CR1: variants seen among roughly 807,000 people sequenced by gnomAD.
CR1 encodes the protein complement receptor type 1.
A neutral mutation model predicts 187.3 loss-of-function variants in CR1; 116 were observed. That is an observed-to-expected ratio of 0.62 (90% CI 0.53 to 0.72). The LOEUF (loss-of-function observed/expected upper bound fraction) is 0.72. Ranked by LOEUF, CR1 falls within the 30% of genes least tolerant of loss-of-function variation. CR1 has a pLI of 0.00. For missense variants in CR1, 1,731 were observed against 2,110.7 expected (o/e 0.82, Z 3.52); for synonymous variants, 576 against 747.1 (o/e 0.77, Z 3.73).
intron 45 of CR1, among the ~76,000 whole-genome samples, chr1:207,629,021 C>T (rs1662569263): frequency 6.6e-6 from 1 of 152,122 alleles, no homozygotes; most frequent in South Asian, 2.1e-4. Flanking sequence ...TGCGCCTGCA[C>T]GTTTTGATAT....
At chr1:207,588,608 C>G (rs1661180215) in intron 34 of CR1, 67 bp from the exon 35 acceptor site, 3 of 1,040,424 alleles carry the variant, frequency 2.9e-6, no homozygotes, top group East Asian at 2.5e-5. Flanking sequence ...ATGCCACACT[C>G]CAGTCTGAAC....
chr1:207,499,870 G>A (rs1282003675), intron 1 of CR1, among the ~76,000 whole-genome samples: 1 of 152,114 alleles, frequency 6.6e-6, no homozygotes, highest in Non-Finnish European at 1.5e-5. Flanking sequence ...CTTCACATTT[G>A]GACAGGTAAC....
chr1:207,524,453 G>T (rs1349688415), intron 5 of CR1, among the ~76,000 whole-genome samples: 2 of 152,002 alleles, frequency 1.3e-5, no homozygotes, highest in Admixed American at 6.5e-5. Context: ...GTGCCATCAT[G>T]ACTTACTTCA....
At chr1:207,572,977 A>G (rs569774500) in intron 27 of CR1, among the ~76,000 whole-genome samples, 1 of 152,268 alleles carries the variant, frequency 6.6e-6, no homozygotes, top group South Asian at 2.1e-4. Context: ...ACACTGGATT[A>G]GGGCCTACTT....
intron 35 of CR1, among the ~76,000 whole-genome samples, chr1:207,593,463 A>T: frequency 6.6e-6 from 1 of 152,246 alleles, no homozygotes; most frequent in East Asian, 1.9e-4. Flanking sequence ...CTAACTCAAG[A>T]TGTATTAAAG....
chr1:207,519,535 T>G (rs1397828905), intron 4 of CR1, among the ~76,000 whole-genome samples: 7 of 152,194 alleles, frequency 4.6e-5, no homozygotes, highest in Admixed American at 4.6e-4. Context: ...AAATTGTACT[T>G]TTACCACTCT....
chr1:207,506,779 T>G lies in CR1; in HGVS notation c.367T>G (p.Phe123Val). The G allele has an allele frequency of 6.2e-7, 1 of 1,613,614 alleles. No homozygotes were observed. Among genetic ancestry groups the G allele is most frequent in the African/African-American group, 1.3e-5 (1 of 75,002 alleles). The change falls in exon 3 of 47, where the codon TTC becomes GTC. Residue 123 changes from phenylalanine (F) to valine (V), a missense_variant. By Grantham distance (50) the Phe-to-Val change is conservative. Transcript: ENST00000367049. ...GGTGCATGTGATCAAAGGCATCCAG[T>G]TCGGATCCCAAATTAAATATTCTTG... The part of the protein sequence containing the change: ...GMVHVIKGIQ[F>V]GSQIKYSCTK...
At chr1:207,587,261 T>G in intron 33 of CR1, 125 bp from the exon 34 acceptor site, 2 of 785,418 alleles carry the variant, frequency 2.5e-6, no homozygotes, top group African/African-American at 1.8e-5. Flanking sequence ...GAGAAGAAAA[T>G]CTTTTGCTAT....
At chr1:207,626,409 T>C (rs1197316753) in intron 45 of CR1, among the ~76,000 whole-genome samples, 8 of 152,186 alleles carry the variant, frequency 5.3e-5, no homozygotes, top group Admixed American at 6.5e-5. Flanking sequence ...AGCTAAGTCA[T>C]TGTGGCTATG....
At chr1:207,635,659 T>C (rs1282968592) in intron 46 of CR1, among the ~76,000 whole-genome samples, 5 of 152,162 alleles carry the variant, frequency 3.3e-5, no homozygotes, top group African/African-American at 7.2e-5. Flanking sequence ...GCAGACCCTT[T>C]ACGGGTGTCA....
intron 4 of CR1, among the ~76,000 whole-genome samples, chr1:207,513,737 T>A (rs1223509405): frequency 1.2e-5 from 1 of 84,580 alleles, no homozygotes; most frequent in Non-Finnish European, 2.2e-5. Flanking sequence ...CCTCCTTTCC[T>A]CCCTCCCTCC....
chr1:207,588,564 C>T (rs1189958296), intron 34 of CR1, 111 bp from the exon 35 acceptor site: 1 of 710,636 alleles, frequency 1.4e-6, no homozygotes, highest in African/African-American at 1.8e-5. Context: ...CAGTCAATTC[C>T]ATGAAACAAT....
chr1:207,609,187 A>T, intron 36 of CR1, 103 bp from the exon 37 acceptor site: 1 of 1,158,604 alleles, frequency 8.6e-7, no homozygotes, highest in Non-Finnish European at 1.2e-6. Context: ...TTGTAATTCC[A>T]TTTAGAAAAT....
intron 42 of CR1, 131 bp downstream of exon 42, chr1:207,618,378 T>C (rs1442343255): frequency 3.8e-6 from 3 of 794,096 alleles, no homozygotes. Flanking sequence ...ACTGCTTTCT[T>C]TTCATTTACA....
chr1:207,609,305 C>T lies in CR1; in HGVS notation c.5912C>T (p.Pro1971Leu). The T allele has an allele frequency of 6.2e-7, 1 of 1,607,630 alleles. No individual in the cohort carries two copies. The highest frequency in any genetic ancestry group is 8.5e-7 in the Non-Finnish European group (1 of 1,175,674). The change falls in exon 37 of 47, where the codon CCA becomes CTA. Residue 1971 changes from proline to leucine, a missense_variant. Around this residue, in one of 5 missense-constraint regions of CR1, gnomAD observed 1,312 missense variants for 1,379.6 expected, o/e 0.95. Coordinates refer to ENST00000367049, the MANE Select transcript of CR1 (RefSeq NM_000651.6). ...CTTCTCTCAGTCATATCTTGTGAGC[C>T]ACCTCCAACCATATCCAATGGAGAC... is the stretch of plus-strand genomic sequence containing the variant. ...APICEIISCE[P>L]PPTISNGDFY...
intron 43 of CR1, 115 bp downstream of exon 43, chr1:207,620,180 G>C: frequency 9.4e-7 from 1 of 1,063,112 alleles, no homozygotes; most frequent in East Asian, 2.7e-5. Context: ...ATGAGCTATA[G>C]AGTACAATAT....
chr1:207,635,105 G>A (rs17048254), intron 46 of CR1, among the ~76,000 whole-genome samples: 3,541 of 152,240 alleles, frequency 0.023, 61 homozygotes, highest in Middle Eastern at 0.044. Flanking sequence ...TAATTTATAT[G>A]GAATGCTGAA....
At chr1:207,608,567 T>C (rs145547795) in intron 36 of CR1, among the ~76,000 whole-genome samples, 93 of 152,334 alleles carry the variant, frequency 6.1e-4, no homozygotes, top group African/African-American at 2.1e-3. Context: ...TGAGAATGTA[T>C]ACAAGGTGCC....
At chr1:207,505,652 T>C (rs1208507745) in intron 1 of CR1, among the ~76,000 whole-genome samples, 1 of 151,900 alleles carries the variant, frequency 6.6e-6, no homozygotes, top group African/African-American at 2.4e-5. Flanking sequence ...CTGGCCAACA[T>C]GGTAAAACCC....
Sources: gnomAD v4.1 joint callset for allele counts (sites outside exome capture counted in the v4.1 genomes callset) on GRCh38, gnomAD v4.1.1 for gene constraint, gnomAD v4.1.1 regional missense constraint, MANE v1.5 for transcripts, NCBI Gene and HGNC (gene_info 2026-07-23, HGNC 2026-07-21) for gene names.